LMBR1: variants seen among roughly 807,000 people sequenced by gnomAD.
LMBR1 encodes limb development membrane protein 1.
LMBR1 carries 52 observed loss-of-function variants against 73.9 expected under a neutral mutation model. That is an observed-to-expected ratio of 0.70 (90% CI 0.56 to 0.89). The LOEUF (loss-of-function observed/expected upper bound fraction) is 0.89. Among genes scored for constraint, LMBR1 ranks in the 40% least tolerant of loss-of-function variants. LMBR1 has a pLI of 0.00. For missense variants in LMBR1, 539 were observed against 579.8 expected, an observed-to-expected ratio of 0.93 and a Z score of 0.72; for synonymous variants, 215 against 209.4, an observed-to-expected ratio of 1.03 and a Z score of -0.23.
At chr7:156,758,532 G>A (rs1008395433) in intron 8 of LMBR1, among the ~76,000 whole-genome samples, 1 of 152,088 alleles carries the variant, frequency 6.6e-6, no homozygotes, top group Non-Finnish European at 1.5e-5. Flanking sequence ...ATGAATAACC[G>A]ATTTGGTGCT....
intron 6 of LMBR1, 100 bp from the exon 7 acceptor site, chr7:156,763,276 G>A: frequency 1.9e-6 from 1 of 522,266 alleles, no homozygotes; most frequent in Non-Finnish European, 3.3e-6. Flanking sequence ...TGTACCTCAT[G>A]TAAACATTGT....
Position 156,783,910 on chromosome 7 carries a change from G to T in LMBR1, c.423+12479C>A, listed in dbSNP as rs553273664. Among the ~76,000 whole-genome samples the T allele has an allele frequency of 2.6e-5, 4 of 151,974 alleles. No homozygotes were observed. The South Asian group carries it at 6.2e-4, about 24-fold the overall frequency. On this transcript the variant is annotated intron_variant, in intron 5 of 16. Coordinates refer to ENST00000353442, the MANE Select transcript of LMBR1 (RefSeq NM_022458.4). ...TATGTGTAGAATTTGCTTCAGAAATGAAAGTCTTTTTTGTCAGATAATACC... is the reference window on the plus strand; with the variant it reads ...TATGTGTAGAATTTGCTTCAGAAATTAAAGTCTTTTTTGTCAGATAATACC...
In LMBR1 at chr7:156,679,595, G is replaced by T. The variant is rs186316421; in HGVS notation, c.*4483C>A. ...TCAGTAACAGCTTTTCAAAGGAAAG[G>T]AAAGGAGAAGACATTACAACAGCCA... On this transcript the variant is annotated 3_prime_UTR_variant, in exon 17 of 17. Transcript: ENST00000353442. 3.5e-4 allele frequency: 53 copies of T among 152,314 alleles called. No homozygotes were observed. Among genetic ancestry groups the T allele is most frequent in the African/African-American group, 1.3e-3 (53 of 41,564 alleles). 9.4% of individuals were successfully genotyped at this position (152,314 alleles called of 1,614,324 possible).
downstream of LMBR1, chr7:156,676,655 A>G: frequency 8.1e-6 from 13 of 1,610,534 alleles, no homozygotes; most frequent in Non-Finnish European, 1.1e-5. Flanking sequence ...TTGAATGTTG[A>G]ATTCATAGTC....
At chr7:156,731,081 T>C (rs2132458218) in intron 10 of LMBR1, among the ~76,000 whole-genome samples, 1 of 152,026 alleles carries the variant, frequency 6.6e-6, no homozygotes, top group East Asian at 1.9e-4. Flanking sequence ...AAATGGAAAA[T>C]TTTGCAAGTA....
chr7:156,774,174 T>G (rs190386688), intron 5 of LMBR1, among the ~76,000 whole-genome samples: 2 of 152,278 alleles, frequency 1.3e-5, no homozygotes, highest in Non-Finnish European at 2.9e-5. Flanking sequence ...CACCACCTCA[T>G]ACCAGTCAGA....
chr7:156,673,052 C>T (rs983360976), downstream of LMBR1, among the ~76,000 whole-genome samples: 1 of 152,172 alleles, frequency 6.6e-6, no homozygotes, highest in Non-Finnish European at 1.5e-5. Flanking sequence ...GCTGAGGCTG[C>T]GGGGTCTGGG....
intron 5 of LMBR1, among the ~76,000 whole-genome samples, chr7:156,793,549 A>T (rs1231152060): frequency 6.6e-6 from 1 of 152,226 alleles, no homozygotes; most frequent in Non-Finnish European, 1.5e-5. Flanking sequence ...AAAATGGGAA[A>T]CATATTTTAA....
intron 1 of LMBR1, among the ~76,000 whole-genome samples, chr7:156,869,338 C>T (rs898621219): frequency 6.6e-6 from 1 of 152,018 alleles, no homozygotes; most frequent in Non-Finnish European, 1.5e-5. Flanking sequence ...TTAAGGCTCT[C>T]GGAGACTTTA....
rs371068588 is a variant in LMBR1, at chr7:156,756,384, T to A, written c.757+9A>T. ...TTTATCCCCGTCTAAATATGTAATA[T>A]AAACATACCATTTAGTCGTCTCTGG... On this transcript the variant is annotated intron_variant, in intron 9 of 16. Coordinates refer to ENST00000353442, the MANE Select transcript of LMBR1 (RefSeq NM_022458.4). The A allele has an allele frequency of 1.8e-5, 24 of 1,309,454 alleles. No homozygotes were observed. Among genetic ancestry groups the A allele is most frequent in the Non-Finnish European group, 5.5e-6 (5 of 911,886 alleles). The allele number at this position is 1,309,454 out of a possible 1,614,324, so 81.1% of individuals were successfully genotyped here. A position where few individuals can be genotyped will look rare whatever the true frequency, so the allele number is the denominator to read the frequency against.
intron 15 of LMBR1, among the ~76,000 whole-genome samples, chr7:156,699,737 C>A (rs1238212444): frequency 6.6e-6 from 1 of 151,944 alleles, no homozygotes; most frequent in Non-Finnish European, 1.5e-5. Context: ...AAAAAGTGGG[C>A]AAAGGATATG....
intron 5 of LMBR1, among the ~76,000 whole-genome samples, chr7:156,776,084 A>G (rs964226707): frequency 6.1e-5 from 9 of 148,420 alleles, no homozygotes; most frequent in Non-Finnish European, 1.2e-4. Context: ...AATTATACAT[A>G]TTTTATACAT....
chr7:156,872,714 TA>T (rs1554569028), intron 1 of LMBR1, among the ~76,000 whole-genome samples: 5 of 150,568 alleles, frequency 3.3e-5, no homozygotes, highest in Non-Finnish European at 7.4e-5. Context: ...CTGAAAACCA[TA>T]AAACATTGAT....
chr7:156,676,966 AAAGT>A (rs552054041), downstream of LMBR1: 384 of 272,684 alleles, frequency 1.4e-3, 1 homozygote, highest in Non-Finnish European at 2.4e-3. Context: ...GACACTCCTT[AAAGT>A]AAGTTCCAAA....
chr7:156,829,730 A>G (rs75507084), intron 3 of LMBR1, among the ~76,000 whole-genome samples: 4,839 of 152,256 alleles, frequency 0.032, 123 homozygotes, highest in South Asian at 0.085. Context: ...TTCAGAATGA[A>G]AAAAGGGGTA....
At position 156,826,595 on chromosome 7, in the gene LMBR1, A is replaced by G; in HGVS notation, c.319+10T>C. 2 of 1,496,760 alleles carry G rather than the reference A, an allele frequency of 1.3e-6. No individual in the cohort carries two copies. The highest frequency in any genetic ancestry group is 9.0e-7 in the Non-Finnish European group (1 of 1,111,222). 92.7% of individuals were successfully genotyped at this position (1,496,760 alleles called of 1,614,324 possible). A position where few individuals can be genotyped will look rare whatever the true frequency, so the allele number is the denominator to read the frequency against. ...ATTAATTGTGATTATATTAAGCAAT[A>G]TATACTAACCATGAATCAGGGAGCC... is the stretch of plus-strand genomic sequence containing the variant. On this transcript the variant is annotated intron_variant, in intron 4 of 16. Transcript: ENST00000353442.
At chr7:156,694,658 A>C (rs942661522) in intron 15 of LMBR1, among the ~76,000 whole-genome samples, 13 of 152,224 alleles carry the variant, frequency 8.5e-5, no homozygotes, top group Non-Finnish European at 1.8e-4. Context: ...TGAAATGATC[A>C]TACAGGCAGA....
chr7:156,700,093 C>T (rs1277650364), intron 15 of LMBR1, among the ~76,000 whole-genome samples: 12 of 152,236 alleles, frequency 7.9e-5, no homozygotes, highest in Non-Finnish European at 1.3e-4. Flanking sequence ...CACATGCACA[C>T]GTATGTTTAT....
In LMBR1 at chr7:156,724,102, T is replaced by G. The variant is rs1815196367; in HGVS notation, c.1225+10A>C. On this transcript the variant is annotated intron_variant, in intron 15 of 16. Transcript: ENST00000353442. ...GGATCTTTAAGTGAAAATTTCTCAC[T>G]GAAACTTACCCAGTGTTCTCGACAT... The G allele has an allele frequency of 6.2e-7, 1 of 1,603,958 alleles. No individual in the cohort carries two copies. The highest frequency in any genetic ancestry group is 8.5e-7 in the Non-Finnish European group (1 of 1,174,312).
Sources: gnomAD v4.1 joint callset for allele counts (sites outside exome capture counted in the v4.1 genomes callset) on GRCh38, gnomAD v4.1.1 for gene constraint, MANE v1.5 for transcripts, NCBI Gene and HGNC (gene_info 2026-07-23, HGNC 2026-07-21) for gene names.